The following FYCO1 variants were observed in gnomAD, a reference collection of about 807,000 sequenced individuals.
FYCO1 encodes the protein FYVE and coiled-coil domain autophagy adaptor 1.
In FYCO1, 122 loss-of-function variants were observed where a neutral mutation model predicts 165.1. The observed-to-expected ratio is 0.74, with a 90% CI of 0.64 to 0.86. The LOEUF is 0.86. Among genes scored for constraint, FYCO1 ranks in the 40% least tolerant of loss-of-function variants. The pLI, the probability that FYCO1 is intolerant of heterozygous loss-of-function variation, is 0.00. For missense variants in FYCO1, 1,702 were observed against 1,810.3 expected (o/e 0.94, Z 1.09); for synonymous variants, 648 against 742.5 (o/e 0.87, Z 2.07).
At position 45,958,638 on chromosome 3, in the gene FYCO1, C is replaced by T. The variant is rs1160794390; in HGVS notation, c.3588-19G>A. The T allele has an allele frequency of 6.2e-7, 1 of 1,612,864 alleles. No individual in the cohort carries two copies. The highest frequency in any genetic ancestry group is 8.5e-7 in the Non-Finnish European group (1 of 1,178,956). Reference sequence around the variant, plus strand: ...ACATATCCTGGGAACAAAACAAGCCCAGGCTGTGAGGATGACACACTATGA... The same window carrying T: ...ACATATCCTGGGAACAAAACAAGCCTAGGCTGTGAGGATGACACACTATGA... On this transcript the variant is annotated intron_variant, in intron 12 of 17. Coordinates refer to ENST00000296137, the MANE Select transcript of FYCO1 (RefSeq NM_024513.4).
intron 1 of FYCO1, among the ~76,000 whole-genome samples, chr3:45,991,831 A>G (rs1277601697): frequency 6.6e-6 from 1 of 152,228 alleles, no homozygotes; most frequent in African/African-American, 2.4e-5. Flanking sequence ...ATACCTCAGA[A>G]TGTGACTGCA....
intron 16 of FYCO1, among the ~76,000 whole-genome samples, chr3:45,928,898 C>T (rs1441619846): frequency 1.3e-5 from 2 of 152,194 alleles, no homozygotes; most frequent in East Asian, 1.9e-4. Flanking sequence ...TTCTATCCCC[C>T]GTGGGCCCTA....
Position 45,936,539 on chromosome 3 carries a change from T to A in FYCO1, c.3949A>T (p.Thr1317Ser). The change falls in exon 15 of 18, where the codon ACT (threonine) becomes TCT (serine). Residue 1317 changes from threonine (T) to serine (S), a missense_variant. Coordinates refer to ENST00000296137, the MANE Select transcript of FYCO1 (RefSeq NM_024513.4). ...TCAGGCGTTAGCGAGGTTGATGTAG[T>A]ATCCCTGAAATGTCACAAATGAGAA... is the stretch of plus-strand genomic sequence containing the variant. Reference protein sequence around the residue: ...SLDPNAAEQDTTSTSLTPEDT... With the variant: ...SLDPNAAEQDSTSTSLTPEDT... 1.2e-6 allele frequency: 2 copies of A among 1,609,198 alleles called. No individual in the cohort carries two copies. Among genetic ancestry groups the A allele is most frequent in the Middle Eastern group, 1.7e-4 (1 of 6,052 alleles).
chr3:45,928,065 A>C (rs1703406532), intron 16 of FYCO1, among the ~76,000 whole-genome samples: 1 of 152,150 alleles, frequency 6.6e-6, no homozygotes, highest in Non-Finnish European at 1.5e-5. Flanking sequence ...ATATCCACAA[A>C]ATAGATTAGT....
intron 14 of FYCO1, among the ~76,000 whole-genome samples, chr3:45,941,867 C>T (rs375940280): frequency 2.6e-5 from 4 of 152,332 alleles, no homozygotes; most frequent in Admixed American, 2.6e-4. Context: ...AAACTCAGCT[C>T]TCAAAGCTTA....
rs555090574 is a variant in FYCO1, at chr3:45,993,392, C to T, written c.-113+2330G>A. Among the ~76,000 whole-genome samples, 11 of 152,344 alleles carry T rather than the reference C, an allele frequency of 7.2e-5. No homozygotes were observed. In the South Asian group the frequency reaches 2.3e-3, roughly 32 times the overall value. ...GCTCTTATTATGGGGGTAGTACAGACATTTCAGCCATTTTTGTGATGTATC... is the reference window on the plus strand; with the variant it reads ...GCTCTTATTATGGGGGTAGTACAGATATTTCAGCCATTTTTGTGATGTATC... On this transcript the variant is annotated intron_variant, in intron 1 of 17. Coordinates refer to ENST00000296137, the MANE Select transcript of FYCO1 (RefSeq NM_024513.4). This position sits in a 1 kb window ranked among gnomAD's most constrained non-coding sequence, Gnocchi z 4.4.
rs568468901 is a variant in FYCO1, at chr3:45,919,316, A to C, written c.*2449T>G. On this transcript the variant is annotated 3_prime_UTR_variant, in exon 18 of 18. Coordinates refer to ENST00000296137, the MANE Select transcript of FYCO1 (RefSeq NM_024513.4). ...GATGTTTTGTAGCTGCAGAGAGCACAGCAAACTTGAGCTTAAACAGCAACC... is the reference window on the plus strand; with the variant it reads ...GATGTTTTGTAGCTGCAGAGAGCACCGCAAACTTGAGCTTAAACAGCAACC... The C allele has an allele frequency of 1.3e-5, 2 of 152,410 alleles. No individual in the cohort carries two copies. The highest frequency in any genetic ancestry group is 4.1e-4 in the South Asian group (2 of 4,834). The allele number at this position is 152,410 out of a possible 1,614,324, so 9.4% of individuals were successfully genotyped here.
intron 15 of FYCO1, among the ~76,000 whole-genome samples, chr3:45,934,958 G>T (rs901748672): frequency 6.6e-6 from 1 of 152,186 alleles, no homozygotes; most frequent in Non-Finnish European, 1.5e-5. Context: ...GGGTGGCCCT[G>T]ACACTTCATA....
At chr3:45,948,289 A>G (rs909411906) in intron 14 of FYCO1, 16 of 166,850 alleles carry the variant, frequency 9.6e-5, no homozygotes, top group African/African-American at 3.9e-4. Context: ...ATACACACAT[A>G]TGTCATATAT....
At chr3:45,926,509 A>G (rs1220433161) in intron 16 of FYCO1, among the ~76,000 whole-genome samples, 1 of 152,220 alleles carries the variant, frequency 6.6e-6, no homozygotes, top group South Asian at 2.1e-4. Flanking sequence ...ACATGATACA[A>G]AAAGTGGTAG....
rs1339460371 is a variant in FYCO1 at position 45,923,662 on chromosome 3, A to G, written c.4355T>C (p.Phe1452Ser). The change falls in exon 17 of 18, where the codon TTC becomes TCC. Residue 1452 changes from phenylalanine (F) to serine (S), a missense_variant. By Grantham distance (155) the Phe-to-Ser change is radical. Coordinates refer to ENST00000296137, the MANE Select transcript of FYCO1 (RefSeq NM_024513.4). ...GIYMLIFDNT[F>S]SRFVSKKVFY... ...GTGCCTGAGGTGGCCCTACCTTGAGAAGGTATTGTCGAAGATGAGCATGTA... is the reference window on the plus strand; with the variant it reads ...GTGCCTGAGGTGGCCCTACCTTGAGGAGGTATTGTCGAAGATGAGCATGTA... 1.2e-6 allele frequency: 2 copies of G among 1,610,048 alleles called. No individual in the cohort carries two copies. The highest frequency in any genetic ancestry group is 1.1e-5 in the South Asian group (1 of 90,996).
intron 7 of FYCO1, among the ~76,000 whole-genome samples, 159 bp from the exon 8 acceptor site, chr3:45,968,862 C>T (rs184107935): frequency 6.6e-6 from 1 of 152,324 alleles, no homozygotes; most frequent in East Asian, 1.9e-4. Context: ...TCCCTTTGCT[C>T]AAAGCATCTG....
intron 16 of FYCO1, among the ~76,000 whole-genome samples, chr3:45,929,817 G>T (rs114618463): frequency 0.012 from 1,895 of 152,266 alleles, 49 homozygotes; most frequent in African/African-American, 0.042. Context: ...TGACAAAAGC[G>T]ATCCCTGCAT....
At chr3:45,986,903 G>C (rs779150769) in intron 1 of FYCO1, among the ~76,000 whole-genome samples, 1 of 152,180 alleles carries the variant, frequency 6.6e-6, no homozygotes, top group African/African-American at 2.4e-5. Context: ...CTACATGCAG[G>C]CTGGGGATAC....
At chr3:45,940,206 G>A (rs1704141782) in intron 14 of FYCO1, among the ~76,000 whole-genome samples, 1 of 152,220 alleles carries the variant, frequency 6.6e-6, no homozygotes, top group South Asian at 2.1e-4. Context: ...CCCTCCCCCA[G>A]GAATGTCAGG....
intron 6 of FYCO1, among the ~76,000 whole-genome samples, chr3:45,970,777 A>C (rs549606214): frequency 2.0e-5 from 3 of 152,232 alleles, no homozygotes; most frequent in Non-Finnish European, 4.4e-5. Context: ...ATGTATAAAC[A>C]GATACAAAAT....
At chr3:45,929,410 G>A (rs1703480500) in intron 16 of FYCO1, among the ~76,000 whole-genome samples, 1 of 152,222 alleles carries the variant, frequency 6.6e-6, no homozygotes, top group South Asian at 2.1e-4. Context: ...AGCCACATAT[G>A]GGCAGGCAAA....
At chr3:45,988,504 G>A (rs771551935) in intron 1 of FYCO1, among the ~76,000 whole-genome samples, 35 of 152,120 alleles carry the variant, frequency 2.3e-4, no homozygotes, top group Non-Finnish European at 4.1e-4. Flanking sequence ...ATACTACCAC[G>A]GCTGCCCCAG....
chr3:45,955,521 G>T (rs933285486), intron 13 of FYCO1, 128 bp from the exon 14 acceptor site: 2 of 1,052,174 alleles, frequency 1.9e-6, no homozygotes, highest in Middle Eastern at 2.4e-4. Flanking sequence ...CAATTTAAGT[G>T]GTCACTCAAC....
Sources: gnomAD v4.1 joint callset for allele counts (sites outside exome capture counted in the v4.1 genomes callset) on GRCh38, gnomAD v4.1.1 for gene constraint, Gnocchi (gnomAD v3.1) non-coding constraint, MANE v1.5 for transcripts, NCBI Gene and HGNC (gene_info 2026-07-23, HGNC 2026-07-21) for gene names.